Variants in SATB2 observed in about 807,000 individuals in gnomAD.
SATB2 encodes the protein DNA-binding protein SATB2.
Under a neutral mutation model 73.4 loss-of-function variants are expected in SATB2, and 1 was observed. The ratio of observed to expected loss-of-function variants is 0.01; its 90% CI spans 0.00 to 0.06. The LOEUF (loss-of-function observed/expected upper bound fraction) is 0.06, where lower values mean the gene tolerates loss of function less well. SATB2 is among the 10% of genes least tolerant of loss of function. SATB2 has a pLI of 1.00. For synonymous variants in SATB2, 397 were observed against 367.0 expected (o/e 1.08, Z -0.93); for missense variants, 459 against 945.8 (o/e 0.49, Z 6.75).
intron 2 of SATB2, among the ~76,000 whole-genome samples, chr2:199,445,677 T>C (rs1016107317): frequency 4.6e-5 from 7 of 152,162 alleles, no homozygotes; most frequent in African/African-American, 1.7e-4. Flanking sequence ...TATTTACCCT[T>C]GTAAAGTGAC....
chr2:199,328,629 C>T, intron 8 of SATB2, 69 bp downstream of exon 8: 2 of 1,154,930 alleles, frequency 1.7e-6, no homozygotes, highest in Non-Finnish European at 2.6e-6. Context: ...TGAGGGAAAA[C>T]ACAGTAACTA....
At chr2:199,422,852 AAT>A (rs1691212944) in intron 3 of SATB2, among the ~76,000 whole-genome samples, 1 of 152,186 alleles carries the variant, frequency 6.6e-6, no homozygotes, top group African/African-American at 2.4e-5. Flanking sequence ...TTATAGCCAT[AAT>A]ATGTCTATTA....
intron 2 of SATB2, among the ~76,000 whole-genome samples, chr2:199,435,599 C>T (rs754047942): frequency 1.3e-5 from 2 of 152,162 alleles, no homozygotes; most frequent in African/African-American, 2.4e-5. Flanking sequence ...CTGCCTTGGC[C>T]TCCCAAAGTG....
At chr2:199,383,831 A>G (rs1371081066) in intron 3 of SATB2, among the ~76,000 whole-genome samples, 1 of 152,230 alleles carries the variant, frequency 6.6e-6, no homozygotes, top group Non-Finnish European at 1.5e-5. Context: ...ACAACAGAAT[A>G]TATCTGTATG....
intron 3 of SATB2, among the ~76,000 whole-genome samples, chr2:199,397,269 C>T (rs752944251): frequency 2.0e-5 from 3 of 152,080 alleles, no homozygotes; most frequent in Non-Finnish European, 4.4e-5. Context: ...CTATGATATG[C>T]CTAATAGAGA....
intron 7 of SATB2, among the ~76,000 whole-genome samples, chr2:199,334,079 C>T (rs1688267901): frequency 6.6e-6 from 1 of 152,070 alleles, no homozygotes; most frequent in African/African-American, 2.4e-5. Flanking sequence ...AAAAAATATT[C>T]ATTTATCATA....
chr2:199,358,442 T>C (rs1689049477), intron 6 of SATB2, among the ~76,000 whole-genome samples: 1 of 152,104 alleles, frequency 6.6e-6, no homozygotes, highest in African/African-American at 2.4e-5. Flanking sequence ...AAAAAATTAT[T>C]GAGCTTGAAA....
chr2:199,401,351 G>A (rs1690469176), intron 3 of SATB2, among the ~76,000 whole-genome samples: 1 of 151,936 alleles, frequency 6.6e-6, no homozygotes, highest in Middle Eastern at 3.4e-3. Context: ...TTCAAGACCA[G>A]CCTGGCCAAC....
intron 10 of SATB2, among the ~76,000 whole-genome samples, chr2:199,305,202 G>A (rs1687394838): frequency 6.6e-6 from 1 of 152,140 alleles, no homozygotes; most frequent in African/African-American, 2.4e-5. Context: ...ACAGGGACCA[G>A]GGCAGCAGGA....
At chr2:199,402,129 G>A (rs1039814047) in intron 3 of SATB2, among the ~76,000 whole-genome samples, 3 of 152,104 alleles carry the variant, frequency 2.0e-5, no homozygotes, top group South Asian at 4.1e-4. Context: ...GCTCACACCC[G>A]TAATCCCAGC....
chr2:199,468,259 C>G, upstream of SATB2: 1 of 152,282 alleles, frequency 6.6e-6, no homozygotes, highest in Non-Finnish European at 1.5e-5. Context: ...TTCCTGCAAC[C>G]CGGTAGGAGG....
At chr2:199,348,432 T>C (rs1390281355) in intron 7 of SATB2, 1 of 461,312 alleles carries the variant, frequency 2.2e-6, no homozygotes, top group East Asian at 4.3e-5. Flanking sequence ...AGAGAGTACA[T>C]ACCCAAGTCA....
chr2:199,462,004 C>T (rs953739051), upstream of SATB2, among the ~76,000 whole-genome samples: 2 of 152,156 alleles, frequency 1.3e-5, no homozygotes, highest in African/African-American at 2.4e-5. The surrounding 1 kb of genome is among the most constrained non-coding windows in gnomAD (Gnocchi z 5.9). Flanking sequence ...GTGCCGGGCG[C>T]GGGACTTCGG....
intron 3 of SATB2, among the ~76,000 whole-genome samples, chr2:199,387,057 T>C (rs776610439): frequency 3.9e-5 from 6 of 152,192 alleles, no homozygotes; most frequent in Non-Finnish European, 8.8e-5. Context: ...ACTTTACAGT[T>C]TGCACAGTGT....
chr2:199,294,070 T>C (rs554047355), intron 10 of SATB2, among the ~76,000 whole-genome samples: 1 of 152,286 alleles, frequency 6.6e-6, no homozygotes, highest in South Asian at 2.1e-4. Flanking sequence ...AACTCTGCAT[T>C]TCCCATTTCT....
In SATB2 at chr2:199,271,483, TC is replaced by T. The variant is rs775655256; in HGVS notation, c.*727del. ...TGTTTTCACTTCACTTTTTTTTTTT[TC>T]GGCAGTGTCGTTTATTTTGTTAAAT... On this transcript the variant is annotated 3_prime_UTR_variant, in exon 11 of 11. Transcript: ENST00000417098. The T allele has an allele frequency of 4.7e-4, 71 of 152,212 alleles. 1 individual carries two copies. The highest frequency in any genetic ancestry group is 2.5e-4 in the Non-Finnish European group (17 of 67,946). The allele number at this position is 152,212 out of a possible 1,614,324, so 9.4% of individuals were successfully genotyped here. A position where few individuals can be genotyped will look rare whatever the true frequency, so the allele number is the denominator to read the frequency against.
chr2:199,272,664 A>G lies in SATB2; in HGVS notation c.1749T>C (p.His583=), dbSNP rs199854906. ...CCTTGGCTGGCTGAGACTGCTGTCTATGAAGTACCTGATAATTAAGAGAGA... is the reference window on the plus strand; with the variant it reads ...CCTTGGCTGGCTGAGACTGCTGTCTGTGAAGTACCTGATAATTAAGAGAGA... ...QLPPEPVQVL[H]RQQSQPAKES... Residue 583 remains histidine, a synonymous_variant, in exon 11 of 11, where the codon CAT becomes CAC. Transcript: ENST00000417098. The surrounding 1 kb of genome is among the most constrained non-coding windows in gnomAD (Gnocchi z 6.7). The G allele has an allele frequency of 2.8e-5, 45 of 1,613,956 alleles. No homozygotes were observed. In the East Asian group the frequency reaches 6.2e-4, roughly 22 times the overall value.
At chr2:199,456,757 T>G (rs1048283463) in intron 1 of SATB2, among the ~76,000 whole-genome samples, 8 of 152,232 alleles carry the variant, frequency 5.3e-5, no homozygotes, top group Non-Finnish European at 1.0e-4. Flanking sequence ...CAATCGTTAT[T>G]ATTTTGGAGC....
chr2:199,419,611 T>A (rs1395878228), intron 3 of SATB2, among the ~76,000 whole-genome samples: 1 of 152,186 alleles, frequency 6.6e-6, no homozygotes, highest in Admixed American at 6.5e-5. Flanking sequence ...ACGGTTCCTG[T>A]CATCTTGTAG....
Sources: gnomAD v4.1 joint callset for allele counts (sites outside exome capture counted in the v4.1 genomes callset) on GRCh38, gnomAD v4.1.1 for gene constraint, Gnocchi (gnomAD v3.1) non-coding constraint, MANE v1.5 for transcripts, NCBI Gene and HGNC (gene_info 2026-07-23, HGNC 2026-07-21) for gene names.